Variants in SH3YL1 observed in about 807,000 individuals in gnomAD.
The protein encoded by SH3YL1 is SH3 and SYLF domain containing 1.
In SH3YL1, 41 loss-of-function variants were observed where a neutral mutation model predicts 45.8. The ratio of observed to expected loss-of-function variants is 0.89; its 90% CI spans 0.70 to 1.16. The LOEUF (loss-of-function observed/expected upper bound fraction) is 1.16. Among genes scored for constraint, SH3YL1 ranks in the 50% most tolerant of loss-of-function variants. The probability of loss-of-function intolerance (pLI) is 0.00; values close to 1 mark genes in which losing one functional copy is unlikely to be tolerated. For missense variants in SH3YL1, 389 were observed against 409.6 expected, an observed-to-expected ratio of 0.95 and a Z score of 0.43; for synonymous variants, 152 against 151.4, an observed-to-expected ratio of 1.00 and a Z score of -0.03.
At chr2:229,455 C>A (rs1240678804) in intron 8 of SH3YL1, among the ~76,000 whole-genome samples, 1 of 152,048 alleles carries the variant, frequency 6.6e-6, no homozygotes, top group South Asian at 2.1e-4. Flanking sequence ...ATGGGCCGGG[C>A]ACGGTGGCTC....
intron 8 of SH3YL1, among the ~76,000 whole-genome samples, 181 bp from the exon 9 acceptor site, chr2:225,101 C>T (rs148913864): frequency 1.2e-4 from 19 of 152,304 alleles, no homozygotes; most frequent in African/African-American, 3.8e-4. Context: ...CCAGAAGATA[C>T]ATGAAGTATA....
At chr2:264,780 A>G (rs2103067635), upstream of SH3YL1, 2 of 611,848 alleles carry the variant, frequency 3.3e-6, no homozygotes, top group East Asian at 6.6e-5. Flanking sequence ...CCGTCCTACT[A>G]CCGTCATAGG....
At chr2:251,972 T>C (rs757583260) in intron 2 of SH3YL1, among the ~76,000 whole-genome samples, 4 of 152,168 alleles carry the variant, frequency 2.6e-5, no homozygotes, top group Non-Finnish European at 5.9e-5. Flanking sequence ...TGTAACACTG[T>C]CCAGGCTAAC....
chr2:263,938 T>C (rs545975899), intron 1 of SH3YL1, 46 bp downstream of exon 1: 12 of 1,447,650 alleles, frequency 8.3e-6, no homozygotes, highest in African/African-American at 1.4e-5. Flanking sequence ...GCCCAGCTCT[T>C]GAGAGGGGAG....
chr2:224,959 T>C, intron 8 of SH3YL1, 39 bp from the exon 9 acceptor site: 1 of 1,500,780 alleles, frequency 6.7e-7, no homozygotes, highest in Non-Finnish European at 9.3e-7. Context: ...TGAAAACTGA[T>C]TAGTATATAT....
chr2:234,710 G>A (rs920324316), intron 4 of SH3YL1, among the ~76,000 whole-genome samples: 29 of 152,070 alleles, frequency 1.9e-4, no homozygotes, highest in African/African-American at 6.0e-4. Context: ...CACCAGGGAC[G>A]ATGGTGCTGA....
intron 4 of SH3YL1, among the ~76,000 whole-genome samples, chr2:245,259 C>A (rs1668744273): frequency 1.3e-5 from 2 of 152,162 alleles, no homozygotes; most frequent in Non-Finnish European, 2.9e-5. Context: ...AAGTTTAAAA[C>A]TCATGTCTCC....
At chr2:230,232 GT>G in intron 7 of SH3YL1, 188 bp from the exon 8 acceptor site, 1 of 441,104 alleles carries the variant, frequency 2.3e-6, no homozygotes. Context: ...AGACTCAGAT[GT>G]GGACAGGGTG....
At chr2:229,834 CTTAT>C (rs1301246418) in intron 8 of SH3YL1, 128 bp downstream of exon 8, 2 of 613,484 alleles carry the variant, frequency 3.3e-6, no homozygotes, top group African/African-American at 3.8e-5. Context: ...AGGCTGAGCA[CTTAT>C]TTTACTCTTA....
chr2:227,840 C>T (rs560091308), intron 8 of SH3YL1, among the ~76,000 whole-genome samples: 1 of 151,952 alleles, frequency 6.6e-6, no homozygotes, highest in African/African-American at 2.4e-5. Context: ...AAAAAAAATA[C>T]TGCCTTCACA....
chr2:262,689 A>G (rs776148576), intron 1 of SH3YL1: 187 of 1,302,118 alleles, frequency 1.4e-4, no homozygotes, highest in Non-Finnish European at 1.8e-4. Context: ...TCAGGGTAGC[A>G]GTTATTTCCC....
Position 243,434 on chromosome 2 carries a change from C to T in SH3YL1, c.291+4104G>A, listed in dbSNP as rs1377928475. The T allele has an allele frequency of 6.4e-6, 9 of 1,415,078 alleles. No individual in the cohort carries two copies. In the East Asian group the frequency reaches 1.6e-4, roughly 25 times the overall value. The allele number at this position is 1,415,078 out of a possible 1,614,324, so 87.7% of individuals were successfully genotyped here. On this transcript the variant is annotated intron_variant, in intron 4 of 9. Coordinates refer to ENST00000356150, the MANE Select transcript of SH3YL1 (RefSeq NM_015677.4). ...CAACACACTCTTAAATAACAAATGG[C>T]TCAAAGAAGAAATCACATGAGAAAT...
intron 6 of SH3YL1, 115 bp downstream of exon 6, chr2:232,986 T>G (rs1572151198): frequency 1.1e-6 from 1 of 900,634 alleles, no homozygotes; most frequent in East Asian, 3.1e-5. Flanking sequence ...AGATACACAC[T>G]TAAAACCACA....
At position 234,153 on chromosome 2, in the gene SH3YL1, A is replaced by T; in HGVS notation, c.404+7T>A. On this transcript the variant is annotated splice_region_variant and intron_variant, in intron 5 of 9. Coordinates refer to ENST00000356150, the MANE Select transcript of SH3YL1 (RefSeq NM_015677.4). ...TTTACTGTCTAACATCTATTTAAAG[A>T]ACTCACCTTCCCAAGGGCCCAACCG... 1 of 1,601,094 alleles carries T rather than the reference A, an allele frequency of 6.2e-7. No individual in the cohort carries two copies. The highest frequency in any genetic ancestry group is 8.5e-7 in the Non-Finnish European group (1 of 1,172,104).
At chr2:222,619 C>T (rs1462035912) in intron 9 of SH3YL1, 1 of 152,230 alleles carries the variant, frequency 6.6e-6, no homozygotes, top group Non-Finnish European at 1.5e-5. Flanking sequence ...CCATTCCTTC[C>T]AGAGTCCCTA....
chr2:262,402 C>CG, intron 1 of SH3YL1: 1 of 323,502 alleles, frequency 3.1e-6, no homozygotes, highest in South Asian at 2.9e-5. Context: ...AAGAGGACAG[C>CG]GAAAGCTTTC....
chr2:246,746 T>C (rs920630623), intron 4 of SH3YL1, among the ~76,000 whole-genome samples: 3 of 152,120 alleles, frequency 2.0e-5, no homozygotes, highest in African/African-American at 7.2e-5. Context: ...TAAGCAAAAC[T>C]AAAATATGTT....
chr2:238,898 C>T (rs1010924269), intron 4 of SH3YL1, among the ~76,000 whole-genome samples: 4 of 152,196 alleles, frequency 2.6e-5, no homozygotes, highest in Non-Finnish European at 5.9e-5. Context: ...TATTCAGTAC[C>T]TCTGATGTTC....
intron 7 of SH3YL1, chr2:230,546 C>T (rs1164559110): frequency 1.0e-5 from 2 of 191,356 alleles, no homozygotes; most frequent in East Asian, 1.3e-4. Flanking sequence ...TAAGGTCTTA[C>T]TCTGTTGCCT....
Sources: gnomAD v4.1 joint callset for allele counts (sites outside exome capture counted in the v4.1 genomes callset) on GRCh38, gnomAD v4.1.1 for gene constraint, MANE v1.5 for transcripts, NCBI Gene and HGNC (gene_info 2026-07-23, HGNC 2026-07-21) for gene names.